Variants in CDKAL1 observed in about 807,000 individuals in gnomAD.
CDKAL1 encodes threonylcarbamoyladenosine tRNA methylthiotransferase.
A neutral mutation model predicts 68.2 loss-of-function variants in CDKAL1; 32 were observed. That is an observed-to-expected ratio of 0.47 (90% CI 0.35 to 0.63). The LOEUF (loss-of-function observed/expected upper bound fraction) is 0.63, where lower values mean the gene tolerates loss of function less well. Among genes scored for constraint, CDKAL1 ranks in the 30% least tolerant of loss-of-function variants. The probability of loss-of-function intolerance (pLI) is 0.00; values close to 1 mark genes in which losing one functional copy is unlikely to be tolerated. For synonymous variants in CDKAL1, 234 were observed against 244.3 expected, an observed-to-expected ratio of 0.96 and a Z score of 0.39; for missense variants, 606 against 696.7, an observed-to-expected ratio of 0.87 and a Z score of 1.47.
chr6:20,556,759 C>T (rs1367742839), intron 4 of CDKAL1, among the ~76,000 whole-genome samples: 1 of 151,992 alleles, frequency 6.6e-6, no homozygotes, highest in Non-Finnish European at 1.5e-5. Flanking sequence ...TGACATAGGC[C>T]AGGTGTGGTG....
chr6:21,198,212 G>A (rs1197652848), intron 14 of CDKAL1, 108 bp downstream of exon 14: 1 of 706,924 alleles, frequency 1.4e-6, no homozygotes, highest in Non-Finnish European at 2.4e-6. Flanking sequence ...GTCACAACAA[G>A]GCTGTTTTAT....
At chr6:20,860,823 CAA>C (rs745731583) in intron 9 of CDKAL1, among the ~76,000 whole-genome samples, 2 of 134,200 alleles carry the variant, frequency 1.5e-5, no homozygotes, top group South Asian at 4.7e-4. Flanking sequence ...ACTCCATCTA[CAA>C]AAAAAAAAAA....
chr6:20,743,273 T>C (rs1342121701), intron 6 of CDKAL1, among the ~76,000 whole-genome samples: 1 of 152,188 alleles, frequency 6.6e-6, no homozygotes, highest in Non-Finnish European at 1.5e-5. Context: ...CTGCATTCTT[T>C]GCTTTTATCT....
chr6:21,039,786 T>C (rs1352918563), intron 11 of CDKAL1, among the ~76,000 whole-genome samples: 1 of 152,228 alleles, frequency 6.6e-6, no homozygotes, highest in Non-Finnish European at 1.5e-5. Flanking sequence ...CATGGGGGAC[T>C]GAGCCATATG....
chr6:21,024,536 A>G (rs1037483599), intron 11 of CDKAL1, among the ~76,000 whole-genome samples: 1 of 152,168 alleles, frequency 6.6e-6, no homozygotes, highest in African/African-American at 2.4e-5. Context: ...CAATTAATGT[A>G]GGAAAAATGA....
intron 4 of CDKAL1, among the ~76,000 whole-genome samples, chr6:20,604,506 C>T (rs184703149): frequency 8.5e-4 from 129 of 152,326 alleles, no homozygotes; most frequent in Non-Finnish European, 1.4e-3. Flanking sequence ...AATGCTTCTG[C>T]CAGCACCACC....
At chr6:20,907,282 C>G (rs562914978) in intron 9 of CDKAL1, among the ~76,000 whole-genome samples, 3 of 152,172 alleles carry the variant, frequency 2.0e-5, no homozygotes, top group East Asian at 3.9e-4. Flanking sequence ...TTTGGCCAGG[C>G]ATGATGGCAT....
chr6:20,790,659 CT>C (rs796957464), intron 8 of CDKAL1, among the ~76,000 whole-genome samples: 51 of 152,258 alleles, frequency 3.3e-4, no homozygotes, highest in African/African-American at 1.2e-3. Context: ...TTCCCAAGCT[CT>C]TGTCCCACAT....
At chr6:20,746,232 A>G (rs1467563004) in intron 6 of CDKAL1, among the ~76,000 whole-genome samples, 2 of 152,166 alleles carry the variant, frequency 1.3e-5, no homozygotes, top group South Asian at 2.1e-4. Context: ...TTAGTCACTC[A>G]CTGGTACTAC....
At chr6:21,226,773 C>A (rs1398873094) in intron 15 of CDKAL1, among the ~76,000 whole-genome samples, 2 of 152,118 alleles carry the variant, frequency 1.3e-5, no homozygotes, top group Non-Finnish European at 1.5e-5. Context: ...AGTGCAGTGG[C>A]GCGATCTCGG....
At chr6:21,010,388 ATCTT>A (rs368058626) in intron 11 of CDKAL1, among the ~76,000 whole-genome samples, 64 of 152,294 alleles carry the variant, frequency 4.2e-4, no homozygotes, top group African/African-American at 1.5e-3. Flanking sequence ...CCTCCTACTT[ATCTT>A]TCTTTCTTAA....
intron 8 of CDKAL1, among the ~76,000 whole-genome samples, chr6:20,800,122 T>C (rs1776305276): frequency 6.6e-6 from 1 of 151,680 alleles, no homozygotes; most frequent in African/African-American, 2.4e-5. Context: ...CTGGAACTGC[T>C]GGACCAGCAT....
intron 10 of CDKAL1, among the ~76,000 whole-genome samples, chr6:20,957,750 C>T (rs1764848342): frequency 2.0e-5 from 3 of 152,042 alleles, no homozygotes; most frequent in Admixed American, 6.6e-5. Context: ...GCAGGTGGAT[C>T]ACTTGAGGTC....
At chr6:20,897,527 T>C (rs1761757364) in intron 9 of CDKAL1, among the ~76,000 whole-genome samples, 1 of 152,090 alleles carries the variant, frequency 6.6e-6, no homozygotes, top group Admixed American at 6.6e-5. Flanking sequence ...ACATCTGTAA[T>C]ATAGAAAAAA....
intron 5 of CDKAL1, among the ~76,000 whole-genome samples, chr6:20,657,117 A>C (rs1157872730): frequency 6.6e-6 from 1 of 152,162 alleles, no homozygotes; most frequent in African/African-American, 2.4e-5. Flanking sequence ...ATATTTTTCC[A>C]GTTGTCACCA....
chr6:20,616,899 A>G (rs6937578), intron 4 of CDKAL1, among the ~76,000 whole-genome samples: 114,216 of 149,790 alleles, frequency 0.76, 43,628 homozygotes, highest in Middle Eastern at 0.83. Context: ...AATTAGCTGG[A>G]CATGATGGTG....
intron 11 of CDKAL1, among the ~76,000 whole-genome samples, chr6:21,033,745 G>T (rs563827732): frequency 6.6e-6 from 1 of 152,176 alleles, no homozygotes; most frequent in Non-Finnish European, 1.5e-5. Context: ...TGTGAAAGTA[G>T]TAGCCATAGC....
intron 8 of CDKAL1, among the ~76,000 whole-genome samples, chr6:20,814,084 G>T (rs1037120029): frequency 3.9e-4 from 59 of 151,948 alleles, no homozygotes; most frequent in African/African-American, 1.3e-3. Context: ...TTTCATTTAG[G>T]TCTTCCTTAA....
chr6:20,906,705 A>T (rs1762245273), intron 9 of CDKAL1, among the ~76,000 whole-genome samples: 1 of 152,164 alleles, frequency 6.6e-6, no homozygotes, highest in Non-Finnish European at 1.5e-5. Context: ...ATGAGAAAGG[A>T]ATTTAAACAT....
Sources: gnomAD v4.1 joint callset for allele counts (sites outside exome capture counted in the v4.1 genomes callset) on GRCh38, gnomAD v4.1.1 for gene constraint, MANE v1.5 for transcripts, NCBI Gene and HGNC (gene_info 2026-07-23, HGNC 2026-07-21) for gene names.